The following CRIM1 variants were observed in gnomAD, a reference collection of about 807,000 sequenced individuals.
CRIM1 encodes the protein cysteine rich transmembrane BMP regulator 1.
In CRIM1, 32 loss-of-function variants were observed where a neutral mutation model predicts 116.4. The observed-to-expected ratio is 0.27, with a 90% CI of 0.21 to 0.37. CRIM1 has a LOEUF of 0.37. Ranked by LOEUF, CRIM1 falls within the 10% of genes least tolerant of loss-of-function variation. CRIM1 has a pLI of 1.00. For missense variants in CRIM1, 1,331 were observed against 1,354.8 expected (o/e 0.98, Z 0.28); for synonymous variants, 590 against 509.2 (o/e 1.16, Z -2.13).
At chr2:36,364,924 T>C (rs1219297868) in intron 1 of CRIM1, among the ~76,000 whole-genome samples, 2 of 152,200 alleles carry the variant, frequency 1.3e-5, no homozygotes, top group Non-Finnish European at 2.9e-5. Flanking sequence ...ATTTCCATTC[T>C]ATTTTCTATC....
At chr2:36,472,053 AG>A (rs1678569907) in intron 5 of CRIM1, among the ~76,000 whole-genome samples, 1 of 152,230 alleles carries the variant, frequency 6.6e-6, no homozygotes. Flanking sequence ...AGTATATTCA[AG>A]AAGGAAGGGA....
At position 36,375,199 on chromosome 2, in the gene CRIM1, T is replaced by C. The variant is rs750173030; in HGVS notation, c.331+18576T>C. ...AAAGCAGTTTTCCACTTCCACCATC[T>C]TATAAATTAAAACCAGAGGGCTAGA... is the stretch of plus-strand genomic sequence containing the variant. On this transcript the variant is annotated intron_variant, in intron 1 of 16. Transcript: ENST00000280527. 1.5e-4 allele frequency among the ~76,000 whole-genome samples: 23 copies of C among 152,190 alleles called. 1 individual carries two copies. Among genetic ancestry groups the C allele is most frequent in the African/African-American group, 4.8e-5 (2 of 41,444 alleles).
intron 4 of CRIM1, 137 bp downstream of exon 4, chr2:36,442,872 T>G: frequency 2.0e-6 from 2 of 984,662 alleles, no homozygotes; most frequent in South Asian, 3.0e-5. Context: ...CTGAACTGTT[T>G]GCATTACTTG....
At chr2:36,398,351 G>C (rs969574875) in intron 2 of CRIM1, among the ~76,000 whole-genome samples, 1 of 152,166 alleles carries the variant, frequency 6.6e-6, no homozygotes, top group Non-Finnish European at 1.5e-5. Context: ...TTGAGATGCA[G>C]CAGATTTTGA....
chr2:36,488,278 G>T (rs993273334), intron 7 of CRIM1, among the ~76,000 whole-genome samples: 1 of 152,188 alleles, frequency 6.6e-6, no homozygotes, highest in Admixed American at 6.5e-5. Context: ...GTTCAAAGAG[G>T]GGAAATGTCC....
At chr2:36,501,114 T>A (rs1404359562) in intron 8 of CRIM1, among the ~76,000 whole-genome samples, 1 of 152,192 alleles carries the variant, frequency 6.6e-6, no homozygotes, top group Non-Finnish European at 1.5e-5. Context: ...TTGGCCTATT[T>A]TCTTAAATCT....
At chr2:36,501,936 A>C (rs1212805909) in intron 8 of CRIM1, among the ~76,000 whole-genome samples, 1 of 152,136 alleles carries the variant, frequency 6.6e-6, no homozygotes, top group African/African-American at 2.4e-5. Context: ...CAAATGGCCA[A>C]CCTTGTTTTT....
intron 1 of CRIM1, among the ~76,000 whole-genome samples, chr2:36,377,075 C>A (rs1670378514): frequency 6.6e-6 from 1 of 152,146 alleles, no homozygotes. Flanking sequence ...TCCGGAAGGC[C>A]CACATCCAAC....
intron 1 of CRIM1, among the ~76,000 whole-genome samples, chr2:36,385,574 T>G (rs1671112201): frequency 6.6e-6 from 1 of 152,282 alleles, no homozygotes; most frequent in East Asian, 1.9e-4. Context: ...CTGCTTGTCC[T>G]GGTGGTTAAA....
chr2:36,496,801 C>T (rs2125080201), intron 7 of CRIM1, among the ~76,000 whole-genome samples: 1 of 152,334 alleles, frequency 6.6e-6, no homozygotes, highest in African/African-American at 2.4e-5. Context: ...CTGCCCAAGT[C>T]AGCATTGTGG....
chr2:36,464,200 T>G (rs573566984), intron 4 of CRIM1, among the ~76,000 whole-genome samples: 30 of 152,290 alleles, frequency 2.0e-4, no homozygotes, highest in African/African-American at 7.2e-4. Flanking sequence ...CAGATACATA[T>G]GAAGATGTCC....
intron 2 of CRIM1, among the ~76,000 whole-genome samples, chr2:36,434,678 T>C (rs1237142362): frequency 6.6e-6 from 1 of 152,248 alleles, no homozygotes; most frequent in African/African-American, 2.4e-5. Flanking sequence ...CATGAGAATT[T>C]AATGCTTAAT....
At chr2:36,440,808 C>T (rs200193396) in intron 2 of CRIM1, among the ~76,000 whole-genome samples, 14 of 152,160 alleles carry the variant, frequency 9.2e-5, no homozygotes, top group Non-Finnish European at 1.8e-4. Flanking sequence ...TGTTGATTGT[C>T]GTACACATTG....
rs1572903660 is a variant in CRIM1, at chr2:36,513,732, A to T, written c.1957A>T (p.Ile653Phe). ...CPVPACGNPT[I>F]HPGQCCPSCA... ...GGTGCCTGCCTGTGGCAACCCCACC[A>T]TTCACCCTGGACAGTGCTGCCCATC... Residue 653 changes from isoleucine (I) to phenylalanine (F), a missense_variant, in exon 11 of 17, where the codon ATT becomes TTT. This residue lies in a region of CRIM1 where 358 missense variants were observed against 436.1 expected (regional missense o/e 0.82). Transcript: ENST00000280527. 1.2e-6 allele frequency: 2 copies of T among 1,614,068 alleles called. No individual in the cohort carries two copies.
chr2:36,531,361 A>G (rs997391582), intron 13 of CRIM1, among the ~76,000 whole-genome samples: 1 of 151,962 alleles, frequency 6.6e-6, no homozygotes, highest in African/African-American at 2.4e-5. Context: ...CAGAGGAAAG[A>G]GGAGGAAGAA....
At chr2:36,405,744 TG>T (rs1451708958) in intron 2 of CRIM1, among the ~76,000 whole-genome samples, 2 of 152,216 alleles carry the variant, frequency 1.3e-5, no homozygotes, top group Non-Finnish European at 1.5e-5. Flanking sequence ...CTTCTTTCAT[TG>T]TTTTTTTAAA....
chr2:36,450,630 A>G (rs1057226564), intron 4 of CRIM1, among the ~76,000 whole-genome samples: 2 of 152,214 alleles, frequency 1.3e-5, no homozygotes, highest in Non-Finnish European at 2.9e-5. Context: ...ATCCTGTCCT[A>G]TCATCACAGC....
At position 36,432,323 on chromosome 2, in the gene CRIM1, A is replaced by T. The variant is rs534490309; in HGVS notation, c.506-8935A>T. 6.0e-3 allele frequency among the ~76,000 whole-genome samples: 920 copies of T among 152,244 alleles called. 6 individuals are homozygous for T. Among genetic ancestry groups the T allele is most frequent in the South Asian group, 0.028 (136 of 4,816 alleles). ...GGCCTTATTTTATTGCCAGATTTTTAAAAAAATAAATTCATTGTTACATTT... is the reference window on the plus strand; with the variant it reads ...GGCCTTATTTTATTGCCAGATTTTTTAAAAAATAAATTCATTGTTACATTT... On this transcript the variant is annotated intron_variant, in intron 2 of 16. Transcript: ENST00000280527.
chr2:36,448,806 C>T (rs903716002), intron 4 of CRIM1, among the ~76,000 whole-genome samples: 1 of 152,028 alleles, frequency 6.6e-6, no homozygotes, highest in African/African-American at 2.4e-5. Context: ...TAAATTAAGT[C>T]ATTGTTTATA....
Sources: allele counts gnomAD v4.1 joint callset (sites outside exome capture counted in the v4.1 genomes callset), GRCh38; gene constraint gnomAD v4.1.1; regional missense constraint gnomAD v4.1.1; transcripts MANE v1.5; gene names NCBI Gene and HGNC (gene_info 2026-07-23, HGNC 2026-07-21).